MAK: variants seen among roughly 807,000 people sequenced by gnomAD.
The protein encoded by MAK is serine/threonine-protein kinase MAK.
MAK carries 65 observed loss-of-function variants against 82.6 expected under a neutral mutation model. The ratio of observed to expected loss-of-function variants is 0.79; its 90% CI spans 0.64 to 0.97. The LOEUF is 0.97. MAK is among the 50% of genes least tolerant of loss of function. The pLI, the probability that MAK is intolerant of heterozygous loss-of-function variation, is 0.00. For synonymous variants in MAK, 250 were observed against 274.2 expected (o/e 0.91, Z 0.87); for missense variants, 703 against 780.2 (o/e 0.90, Z 1.18).
chr6:10,794,468 G>A (rs1467981434), intron 9 of MAK, among the ~76,000 whole-genome samples: 1 of 152,184 alleles, frequency 6.6e-6, no homozygotes, highest in Non-Finnish European at 1.5e-5. Context: ...TGTGATTAGT[G>A]CTATTGGGGG....
In MAK at chr6:10,796,245, G is replaced by A. The variant is rs1196117020; in HGVS notation, c.896C>T (p.Ser299Leu). ...VLGPSSNHLE[S>L]KQSLNKQLQP... ...CAGCTGCTTATTTAAAGACTGTTTT[G>A]ATTCCAGATGATTTGACGAAGGGCC... is the stretch of plus-strand genomic sequence containing the variant. Residue 299 changes from serine (S) to leucine (L), a missense_variant, in exon 9 of 15, where the codon TCA becomes TTA. By Grantham distance (145) the Ser-to-Leu change is moderately radical. Coordinates refer to ENST00000354489, the MANE Select transcript of MAK (RefSeq NM_001242957.3). 1 of 1,614,138 alleles carries A rather than the reference G, an allele frequency of 6.2e-7. No homozygotes were observed. The highest frequency in any genetic ancestry group is 1.1e-5 in the South Asian group (1 of 91,072).
At chr6:10,826,054 A>G (rs1778341693) in intron 2 of MAK, among the ~76,000 whole-genome samples, 1 of 152,116 alleles carries the variant, frequency 6.6e-6, no homozygotes. Context: ...TTCAAGATAT[A>G]CACGCTCCTT....
At position 10,828,293 on chromosome 6, in the gene MAK, G is replaced by A. The variant is rs1778530991; in HGVS notation, c.101+2255C>T. Among the ~76,000 whole-genome samples, 4 of 152,134 alleles carry A rather than the reference G, an allele frequency of 2.6e-5. No individual in the cohort carries two copies. The South Asian group carries it at 8.3e-4, about 32-fold the overall frequency. On this transcript the variant is annotated intron_variant, in intron 2 of 14. Transcript: ENST00000354489. ...TCCCATGAGTACGGGACTGGTTCTG[G>A]TGGAAGTCAACTGCCATGTCCCGAG...
chr6:10,779,127 C>CAAAAAAAAAAAAAAAAAAAA (rs918122203), intron 11 of MAK, among the ~76,000 whole-genome samples: 1 of 20,004 alleles, frequency 5.0e-5, no homozygotes, highest in Admixed American at 6.8e-4. Flanking sequence ...CACTTCGTCT[C>CAAAAAAAAAAAAAAAAAAAA]AAAAAAAAAA....
At chr6:10,773,658 C>T (rs1465011194) in intron 12 of MAK, among the ~76,000 whole-genome samples, 1 of 150,474 alleles carries the variant, frequency 6.6e-6, no homozygotes, top group Non-Finnish European at 1.5e-5. Flanking sequence ...CATATTGTAA[C>T]TATAGGCATT....
intron 2 of MAK, among the ~76,000 whole-genome samples, chr6:10,825,550 C>A (rs2127584641): frequency 6.6e-6 from 1 of 152,168 alleles, no homozygotes; most frequent in Non-Finnish European, 1.5e-5. Context: ...CATTAGCCTG[C>A]ACCTCTGTTT....
chr6:10,805,163 G>A (rs1358051651), intron 6 of MAK, among the ~76,000 whole-genome samples: 1 of 152,154 alleles, frequency 6.6e-6, no homozygotes, highest in East Asian at 1.9e-4. Context: ...AGGACACGCT[G>A]TTGCCACCTG....
chr6:10,792,488 G>A (rs931129500), intron 9 of MAK, among the ~76,000 whole-genome samples: 14 of 152,336 alleles, frequency 9.2e-5, no homozygotes, highest in African/African-American at 3.4e-4. Flanking sequence ...GTCCCTGAAT[G>A]TAATCCTAAC....
chr6:10,775,568 G>T, intron 11 of MAK, 109 bp from the exon 12 acceptor site: 1 of 1,235,044 alleles, frequency 8.1e-7, no homozygotes, highest in Non-Finnish European at 1.2e-6. Flanking sequence ...ACAGGAGAAT[G>T]GAAATAAATC....
intron 5 of MAK, among the ~76,000 whole-genome samples, chr6:10,809,952 G>C (rs2005991): frequency 0.06 from 9,077 of 151,932 alleles, 852 homozygotes; most frequent in African/African-American, 0.21. Flanking sequence ...ACCAAAATTA[G>C]CCGGGCATGG....
intron 12 of MAK, 142 bp downstream of exon 12, chr6:10,775,186 C>A: frequency 1.1e-6 from 1 of 916,928 alleles, no homozygotes; most frequent in Non-Finnish European, 1.7e-6. Flanking sequence ...GCAGGGCTAC[C>A]CATAGGCAGA....
At chr6:10,784,691 A>G (rs966437508) in intron 10 of MAK, 119 bp from the exon 11 acceptor site, 2 of 766,642 alleles carry the variant, frequency 2.6e-6, no homozygotes, top group African/African-American at 3.5e-5. Context: ...GACCTCACTT[A>G]AATGGTTTCC....
chr6:10,772,823 C>T (rs1035748005), intron 13 of MAK, among the ~76,000 whole-genome samples: 1 of 152,134 alleles, frequency 6.6e-6, no homozygotes, highest in Non-Finnish European at 1.5e-5. Context: ...CAGCACAGAG[C>T]TTTTTGAGAG....
Position 10,816,002 on chromosome 6 carries a change from T to G in MAK, c.278+1848A>C, listed in dbSNP as rs186235407. Among the ~76,000 whole-genome samples, 255 of 149,552 alleles carry G rather than the reference T, an allele frequency of 1.7e-3. 2 individuals are homozygous for G. The highest frequency in any genetic ancestry group is 6.7e-3 in the East Asian group (34 of 5,106). The stretch of plus-strand genomic sequence containing the variant: ...TCTTCTTCTGTTGCCCAGGCTGCAG[T>G]GCAGTGGTGCAATCTTGGCTCACTG... On this transcript the variant is annotated intron_variant, in intron 4 of 14. Transcript: ENST00000354489.
chr6:10,808,810 C>A lies in MAK; in HGVS notation c.491G>T (p.Trp164Leu), dbSNP rs1174145839. Residue 164 changes from tryptophan to leucine, a missense_variant and splice_region_variant, in exon 6 of 15, where the codon TGG becomes TTG. Transcript: ENST00000354489. ...PPYTDYVSTRWYRAPEVLLRS... is the reference protein window; with the variant it reads ...PPYTDYVSTRLYRAPEVLLRS... ...GGAGGGCTGCATAACCCCTACTCAC[C>A]ATCTGGTAGATACATAATCAGTGTA... 6.2e-7 allele frequency: 1 copy of A among 1,613,982 alleles called. No individual in the cohort carries two copies. The highest frequency in any genetic ancestry group is 8.5e-7 in the Non-Finnish European group (1 of 1,179,954).
chr6:10,797,775 A>C, intron 8 of MAK: 2 of 1,247,846 alleles, frequency 1.6e-6, no homozygotes, highest in South Asian at 2.7e-5. Flanking sequence ...TTTTTAGAGG[A>C]ACAGAAGGCA....
chr6:10,770,088 ACTGTAT>A lies in MAK; in HGVS notation c.1792+17_1792+22del, dbSNP rs1174538871. On this transcript the variant is annotated intron_variant, in intron 14 of 14. Transcript: ENST00000354489. ...TTCCTTTCTGCTAGGAATCTAGAAAACTGTATCTGAAGTTGTTCCTACCTGAAGCCG... is the reference window on the plus strand; with the variant it reads ...TTCCTTTCTGCTAGGAATCTAGAAAACTGAAGTTGTTCCTACCTGAAGCCG... 1 of 1,614,140 alleles carries A rather than the reference ACTGTAT, an allele frequency of 6.2e-7. No individual in the cohort carries two copies. Among genetic ancestry groups the A allele is most frequent in the Admixed American group, 1.7e-5 (1 of 60,020 alleles).
intron 11 of MAK, among the ~76,000 whole-genome samples, chr6:10,778,841 A>G (rs370721402): frequency 1.3e-5 from 2 of 151,962 alleles, no homozygotes; most frequent in East Asian, 3.9e-4. Flanking sequence ...CATAAGTGCT[A>G]TGGAGGCCAG....
At chr6:10,835,739 G>C (rs1370694429) in intron 1 of MAK, among the ~76,000 whole-genome samples, 2 of 152,216 alleles carry the variant, frequency 1.3e-5, no homozygotes, top group African/African-American at 4.8e-5. Context: ...GGAAGAGGGA[G>C]CTGCCTCTGG....
Sources: allele counts gnomAD v4.1 joint callset (sites outside exome capture counted in the v4.1 genomes callset), GRCh38; gene constraint gnomAD v4.1.1; transcripts MANE v1.5; gene names NCBI Gene and HGNC (gene_info 2026-07-23, HGNC 2026-07-21).